NKIRAS1: variants seen among roughly 807,000 people sequenced by gnomAD.
NKIRAS1 encodes NF-kappa-B inhibitor-interacting Ras-like protein 1.
In NKIRAS1, 16 loss-of-function variants were observed where a neutral mutation model predicts 19.8. The ratio of observed to expected loss-of-function variants is 0.81; its 90% CI spans 0.55 to 1.23. The LOEUF (loss-of-function observed/expected upper bound fraction) is 1.23, where lower values mean the gene tolerates loss of function less well. Among genes scored for constraint, NKIRAS1 ranks in the 50% most tolerant of loss-of-function variants. NKIRAS1 has a pLI of 0.00. For synonymous variants in NKIRAS1, 88 were observed against 79.0 expected, an observed-to-expected ratio of 1.11 and a Z score of -0.61; for missense variants, 184 against 220.0, an observed-to-expected ratio of 0.84 and a Z score of 1.04.
chr3:23,939,470 C>CGG (rs1559517367), intron 1 of NKIRAS1, among the ~76,000 whole-genome samples: 1 of 152,168 alleles, frequency 6.6e-6, no homozygotes, highest in East Asian at 1.9e-4. Flanking sequence ...AGGCCAGGAA[C>CGG]GGTGGCTCAT....
In NKIRAS1 at chr3:23,928,100, CCACACA is replaced by C. The variant is rs66482461; in HGVS notation, c.-139-16656_-139-16651del. On this transcript the variant is annotated intron_variant, in intron 1 of 4. Transcript: ENST00000421515. ...TCTCTCTCCTCTCTCTCTCTACACA[CCACACA>C]CACACACACACACACACACACATAC... is the stretch of plus-strand genomic sequence containing the variant. Among the ~76,000 whole-genome samples the C allele has an allele frequency of 3.4e-3, 492 of 146,168 alleles. 3 individuals are homozygous for C. The highest frequency in any genetic ancestry group is 0.01 in the African/African-American group (409 of 39,314).
upstream of NKIRAS1, chr3:23,920,487 TTGACTA>T (rs548035856): frequency 1.2e-4 from 115 of 985,344 alleles, no homozygotes; most frequent in Middle Eastern, 5.2e-4. Context: ...TGCACCCACT[TTGACTA>T]TGAGTATACC....
upstream of NKIRAS1, chr3:23,920,066 C>T: frequency 1.0e-6 from 1 of 985,974 alleles, no homozygotes; most frequent in Non-Finnish European, 1.2e-6. Context: ...TAATGGTAAA[C>T]ACTGGTGTGT....
intron 4 of NKIRAS1, among the ~76,000 whole-genome samples, chr3:23,898,969 T>C (rs1486182082): frequency 1.3e-5 from 2 of 152,152 alleles, no homozygotes; most frequent in Admixed American, 1.3e-4. Flanking sequence ...GCATGCTCTT[T>C]TTGAGAATCT....
chr3:23,894,800 A>G (rs1006587387), intron 4 of NKIRAS1, among the ~76,000 whole-genome samples: 1 of 152,090 alleles, frequency 6.6e-6, no homozygotes, highest in Non-Finnish European at 1.5e-5. Context: ...CCCTGCAGAA[A>G]GCTGATGCTA....
intron 1 of NKIRAS1, among the ~76,000 whole-genome samples, chr3:23,913,414 G>T (rs901721122): frequency 6.6e-6 from 1 of 152,144 alleles, no homozygotes. Context: ...AATCAAAGCA[G>T]GCTGAAATAT....
At chr3:23,917,917 C>G (rs1341466043), upstream of NKIRAS1, 1 of 1,613,512 alleles carries the variant, frequency 6.2e-7, no homozygotes, top group Non-Finnish European at 8.5e-7. Flanking sequence ...TGATGTCATG[C>G]GCTTTCTTCT....
intron 4 of NKIRAS1, among the ~76,000 whole-genome samples, chr3:23,895,292 G>A (rs914180777): frequency 2.0e-5 from 3 of 152,086 alleles, no homozygotes; most frequent in Non-Finnish European, 4.4e-5. Context: ...GATTACAGGC[G>A]TGAACTACCA....
At chr3:23,902,733 G>A (rs1383045862) in intron 3 of NKIRAS1, among the ~76,000 whole-genome samples, 5 of 152,154 alleles carry the variant, frequency 3.3e-5, no homozygotes, top group Non-Finnish European at 7.3e-5. Context: ...CCACGCTGCT[G>A]GGCAACTACC....
chr3:23,890,570 A>C lies in NKIRAS1; in HGVS notation c.*2525T>G. 6.2e-7 allele frequency: 1 copy of C among 1,613,820 alleles called. No homozygotes were observed. Among genetic ancestry groups the C allele is most frequent in the Non-Finnish European group, 8.5e-7 (1 of 1,179,864 alleles). ...TGACCAACAGAGCAGAACATGACAGAATGGCCAGACAGTGGACCAAGAGAT... is the reference window on the plus strand; with the variant it reads ...TGACCAACAGAGCAGAACATGACAGCATGGCCAGACAGTGGACCAAGAGAT... On this transcript the variant is annotated 3_prime_UTR_variant, in exon 5 of 5. Transcript: ENST00000425478.
In NKIRAS1 at chr3:23,901,014, T is replaced by C. The variant is rs757263141; in HGVS notation, c.130A>G (p.Met44Val). The change falls in exon 4 of 5, where the codon ATG becomes GTG. Residue 44 changes from methionine (M) to valine (V), a missense_variant. By Grantham distance (21) the Met-to-Val change is conservative. Transcript: ENST00000425478. The stretch of plus-strand genomic sequence containing the variant: ...CCTCGGTCTGTTTCTACTGAAGCCA[T>C]GTATACATCTTCCATTGTTTCGCAA... ...EDCETMEDVYMASVETDRGVK... is the reference protein window; with the variant it reads ...EDCETMEDVYVASVETDRGVK... The C allele has an allele frequency of 1.2e-6, 2 of 1,614,132 alleles. No individual in the cohort carries two copies. The highest frequency in any genetic ancestry group is 8.5e-7 in the Non-Finnish European group (1 of 1,179,990).
At chr3:23,929,423 G>GTTTA (rs1038473237) in intron 1 of NKIRAS1, among the ~76,000 whole-genome samples, 11 of 151,500 alleles carry the variant, frequency 7.3e-5, no homozygotes, top group Admixed American at 1.3e-4. Flanking sequence ...GAAAAAATTT[G>GTTTA]TTTATTTATT....
At position 23,926,329 on chromosome 3, in the gene NKIRAS1, G is replaced by C. The variant is rs988092128; in HGVS notation, c.-139-14879C>G. On this transcript the variant is annotated intron_variant, in intron 1 of 4. Coordinates refer to the NKIRAS1 transcript ENST00000421515. This position sits in a 1 kb window ranked among gnomAD's most constrained non-coding sequence, Gnocchi z 4.3. ...GGACTCCCAAAGTGCTGGGATTATA[G>C]GTATGAGCCATGGCGCCCGGCCATA... Among the ~76,000 whole-genome samples, 1 of 152,198 alleles carries C rather than the reference G, an allele frequency of 6.6e-6. No homozygotes were observed.
intron 1 of NKIRAS1, among the ~76,000 whole-genome samples, chr3:23,944,464 G>A (rs1559518484): frequency 6.6e-6 from 1 of 152,110 alleles, no homozygotes; most frequent in East Asian, 1.9e-4. Context: ...TTAAATTGCG[G>A]GCATCAATGC....
intron 4 of NKIRAS1, among the ~76,000 whole-genome samples, chr3:23,899,370 A>G (rs551335306): frequency 2.0e-5 from 3 of 152,374 alleles, no homozygotes; most frequent in South Asian, 4.1e-4. Flanking sequence ...ATGTGACTCT[A>G]TAATTGTCTC....
Position 23,922,251 on chromosome 3 carries a change from A to G in NKIRAS1, c.-139-10801T>C, listed in dbSNP as rs556223636. 2 of 152,388 alleles carry G rather than the reference A, an allele frequency of 1.3e-5. No homozygotes were observed. The highest frequency in any genetic ancestry group is 4.8e-5 in the African/African-American group (2 of 41,588). The allele number at this position is 152,388 out of a possible 1,614,324, so 9.4% of individuals were successfully genotyped here. ...TAGAGCCAGAACTTGTCTCAAAAATAACAATTGGTTTCTTACAATCCCAAA... is the reference window on the plus strand; with the variant it reads ...TAGAGCCAGAACTTGTCTCAAAAATGACAATTGGTTTCTTACAATCCCAAA... On this transcript the variant is annotated intron_variant, in intron 1 of 4. Coordinates refer to the NKIRAS1 transcript ENST00000421515. The surrounding 1 kb of genome is among the most constrained non-coding windows in gnomAD (Gnocchi z 4.2).
intron 1 of NKIRAS1, among the ~76,000 whole-genome samples, chr3:23,937,995 T>C (rs932020335): frequency 1.3e-5 from 2 of 152,220 alleles, no homozygotes; most frequent in African/African-American, 4.8e-5. Flanking sequence ...ACTGGGTCTA[T>C]ATCTGAAATA....
At chr3:23,945,626 G>T in intron 1 of NKIRAS1, 1 of 1,158,778 alleles carries the variant, frequency 8.6e-7, no homozygotes, top group Non-Finnish European at 1.1e-6. Flanking sequence ...GTGGGGGATG[G>T]CCGGAGGGAG....
At position 23,911,463 on chromosome 3, in the gene NKIRAS1, A is replaced by G. The variant is rs1443392429; in HGVS notation, c.-139-13T>C. The G allele has an allele frequency of 3.2e-5, 5 of 154,156 alleles. No homozygotes were observed. The highest frequency in any genetic ancestry group is 1.2e-4 in the African/African-American group (5 of 41,452). The allele number at this position is 154,156 out of a possible 1,614,324, so 9.5% of individuals were successfully genotyped here. A position where few individuals can be genotyped will look rare whatever the true frequency, so the allele number is the denominator to read the frequency against. On this transcript the variant is annotated splice_polypyrimidine_tract_variant and intron_variant, in intron 1 of 4. Coordinates refer to ENST00000425478, the MANE Select transcript of NKIRAS1 (RefSeq NM_020345.4). ...AGCTAGACTCTGTCTGAAAACAAAC[A>G]AACAAAAAAACACATGGATAGGTAT...
Sources: gnomAD v4.1 joint callset for allele counts (sites outside exome capture counted in the v4.1 genomes callset) on GRCh38, gnomAD v4.1.1 for gene constraint, Gnocchi (gnomAD v3.1) non-coding constraint, MANE v1.5 for transcripts, NCBI Gene and HGNC (gene_info 2026-07-23, HGNC 2026-07-21) for gene names.